LYRM7: variants seen among roughly 807,000 people sequenced by gnomAD.
LYRM7 encodes LYR motif containing 7.
In LYRM7, 9 loss-of-function variants were observed where a neutral mutation model predicts 15.8. The observed-to-expected ratio is 0.57, with a 90% CI of 0.34 to 0.99. The LOEUF is 0.99. Ranked by LOEUF, LYRM7 falls within the 50% of genes least tolerant of loss-of-function variation. LYRM7 has a pLI of 0.02. For synonymous variants in LYRM7, 39 were observed against 39.4 expected, an observed-to-expected ratio of 0.99 and a Z score of 0.04; for missense variants, 115 against 119.1, an observed-to-expected ratio of 0.97 and a Z score of 0.16.
chr5:131,179,994 A>T, intron 1 of LYRM7, 101 bp from the exon 2 acceptor site: 1 of 781,024 alleles, frequency 1.3e-6, no homozygotes, highest in East Asian at 2.7e-5. Context: ...AGGGTCTCGA[A>T]CTCCTGGGCT....
At chr5:131,174,424 A>G (rs919916921) in intron 1 of LYRM7, among the ~76,000 whole-genome samples, 7 of 152,178 alleles carry the variant, frequency 4.6e-5, no homozygotes, top group Admixed American at 1.3e-4. Flanking sequence ...TATTGTTGCT[A>G]TTTTGGCCTC....
At position 131,198,952 on chromosome 5, in the gene LYRM7, A is replaced by G. The variant is rs868815368; in HGVS notation, c.245-579A>G. Among the ~76,000 whole-genome samples, 23 of 152,180 alleles carry G rather than the reference A, an allele frequency of 1.5e-4. 1 individual carries two copies. The Middle Eastern group carries it at 0.027, about 180-fold the overall frequency. On this transcript the variant is annotated intron_variant, in intron 4 of 4. Coordinates refer to ENST00000379380, the MANE Select transcript of LYRM7 (RefSeq NM_181705.4). ...CTCAACAGGTTTTTGTTGTTGTTTT[A>G]TGATATTTCTCAATGTGGGCACTAT...
intron 4 of LYRM7, among the ~76,000 whole-genome samples, chr5:131,190,341 G>A (rs558712398): frequency 6.6e-5 from 10 of 151,878 alleles, no homozygotes; most frequent in South Asian, 4.2e-4. Flanking sequence ...TATTACAAGC[G>A]TGTACCGCCA....
intron 1 of LYRM7, among the ~76,000 whole-genome samples, chr5:131,176,137 T>G (rs1755599070): frequency 6.6e-6 from 1 of 152,260 alleles, no homozygotes; most frequent in Admixed American, 6.5e-5. Context: ...CATGAGTTCA[T>G]GGACATTTAG....
chr5:131,181,440 G>GTATATATATATAAAACATATATATGTA lies in LYRM7; in HGVS notation c.92-778_92-752dup, dbSNP rs1427292415. Among the ~76,000 whole-genome samples the GTATATATATATAAAACATATATATGTA allele has an allele frequency of 1.3e-3, 135 of 104,094 alleles. 4 individuals carry two copies. Among genetic ancestry groups the GTATATATATATAAAACATATATATGTA allele is most frequent in the African/African-American group, 7.0e-3 (131 of 18,774 alleles). 68.3% of individuals were successfully genotyped at this position (104,094 alleles called of 152,430 possible). A position where few individuals can be genotyped will look rare whatever the true frequency, so the allele number is the denominator to read the frequency against. On this transcript the variant is annotated intron_variant, in intron 2 of 4. Coordinates refer to ENST00000379380, the MANE Select transcript of LYRM7 (RefSeq NM_181705.4). ...GTTTATATATATATAACATATATAT[G>GTATATATATATAAAACATATATATGTA]TATATATATATAAAACATATATATG...
intron 2 of LYRM7, among the ~76,000 whole-genome samples, chr5:131,181,464 T>A (rs942797041): frequency 2.5e-4 from 33 of 131,890 alleles, no homozygotes; most frequent in African/African-American, 8.4e-4. Context: ...AACATATATA[T>A]GTATATATAT....
At chr5:131,194,719 T>G (rs1188104278) in intron 4 of LYRM7, among the ~76,000 whole-genome samples, 1 of 152,164 alleles carries the variant, frequency 6.6e-6, no homozygotes, top group Admixed American at 6.6e-5. Flanking sequence ...TCCATGAGGG[T>G]AAAAATGGCA....
At chr5:131,181,985 A>G (rs1027014081) in intron 2 of LYRM7, among the ~76,000 whole-genome samples, 1 of 152,192 alleles carries the variant, frequency 6.6e-6, no homozygotes, top group Non-Finnish European at 1.5e-5. Flanking sequence ...GAGAGTAAAA[A>G]TCAGTGGAAG....
Position 131,182,474 on chromosome 5 carries a change from G to A in LYRM7, c.162+175G>A, listed in dbSNP as rs114517433. Among the ~76,000 whole-genome samples the A allele has an allele frequency of 1.2e-3, 186 of 152,136 alleles. 1 individual carries two copies. The highest frequency in any genetic ancestry group is 2.2e-3 in the Admixed American group (34 of 15,280). Reference sequence around the variant, plus strand: ...GCTCACCTCCTCAGGCTCATCTGCCGACACCAAAATACAGCAAGGTACCCC... The same window carrying A: ...GCTCACCTCCTCAGGCTCATCTGCCAACACCAAAATACAGCAAGGTACCCC... On this transcript the variant is annotated intron_variant, in intron 3 of 4. Coordinates refer to ENST00000379380, the MANE Select transcript of LYRM7 (RefSeq NM_181705.4).
chr5:131,175,930 T>C (rs1005897720), intron 1 of LYRM7, among the ~76,000 whole-genome samples: 3 of 152,040 alleles, frequency 2.0e-5, no homozygotes, highest in African/African-American at 7.2e-5. Flanking sequence ...GCTAATTTTT[T>C]GTATTTTTTA....
rs2149667740 is a variant in LYRM7, at chr5:131,201,414, ATAAAGTTCCT to A, written c.*1814_*1823del. ...TACTTTCATGCCATAAGACTACACA[ATAAAGTTCCT>A]GAAAGTTCCTGGCTGGGCGCAGTGG... On this transcript the variant is annotated 3_prime_UTR_variant, in exon 5 of 5. Transcript: ENST00000379380. 6.6e-6 allele frequency: 1 copy of A among 152,116 alleles called. No homozygotes were observed. Among genetic ancestry groups the A allele is most frequent in the East Asian group, 1.9e-4 (1 of 5,156 alleles). 9.4% of individuals were successfully genotyped at this position (152,116 alleles called of 1,614,324 possible).
intron 3 of LYRM7, among the ~76,000 whole-genome samples, chr5:131,183,257 A>G (rs1017125324): frequency 6.6e-6 from 1 of 152,172 alleles, no homozygotes; most frequent in African/African-American, 2.4e-5. Flanking sequence ...AAAATAAACA[A>G]AAAGGGAAAG....
At chr5:131,184,336 A>G (rs1387163165) in intron 3 of LYRM7, among the ~76,000 whole-genome samples, 1 of 151,988 alleles carries the variant, frequency 6.6e-6, no homozygotes, top group African/African-American at 2.4e-5. Context: ...GTAGTTGGAA[A>G]AGAGTAAAAC....
intron 4 of LYRM7, among the ~76,000 whole-genome samples, chr5:131,189,239 C>T (rs1035859600): frequency 1.3e-5 from 2 of 151,360 alleles, no homozygotes. Flanking sequence ...GTCAGGAGAT[C>T]GAGACCATCC....
At chr5:131,178,026 G>T (rs182284222) in intron 1 of LYRM7, among the ~76,000 whole-genome samples, 3 of 152,190 alleles carry the variant, frequency 2.0e-5, no homozygotes, top group African/African-American at 7.2e-5. Flanking sequence ...ATTTACTGTA[G>T]CTTTTCATTG....
At chr5:131,187,928 G>A (rs1755823361) in intron 4 of LYRM7, among the ~76,000 whole-genome samples, 1 of 152,080 alleles carries the variant, frequency 6.6e-6, no homozygotes, top group African/African-American at 2.4e-5. Flanking sequence ...ATTCTCTAAA[G>A]TATCTTTGGG....
At position 131,170,974 on chromosome 5, in the gene LYRM7, G is replaced by C; in HGVS notation, c.-47G>C. ...AGTCTTTGATTGGTTGCTGAGAGGC[G>C]GGGCTACTCGACTGCTCTGGAGGTA... On this transcript the variant is annotated 5_prime_UTR_variant, in exon 1 of 5. Coordinates refer to ENST00000379380, the MANE Select transcript of LYRM7 (RefSeq NM_181705.4). 1 of 1,531,868 alleles carries C rather than the reference G, an allele frequency of 6.5e-7. No individual in the cohort carries two copies. Among genetic ancestry groups the C allele is most frequent in the Non-Finnish European group, 8.7e-7 (1 of 1,143,832 alleles). 94.9% of individuals were successfully genotyped at this position (1,531,868 alleles called of 1,614,324 possible).
intron 4 of LYRM7, among the ~76,000 whole-genome samples, chr5:131,192,514 T>A (rs1755903188): frequency 6.6e-6 from 1 of 152,226 alleles, no homozygotes; most frequent in Admixed American, 6.5e-5. Context: ...TGCATTGAAC[T>A]ATCACTGTAC....
intron 1 of LYRM7, among the ~76,000 whole-genome samples, chr5:131,178,019 T>C (rs1480120169): frequency 6.6e-6 from 1 of 152,226 alleles, no homozygotes; most frequent in Non-Finnish European, 1.5e-5. Context: ...TTTTTAAATT[T>C]ACTGTAGCTT....
Sources: allele counts gnomAD v4.1 joint callset (sites outside exome capture counted in the v4.1 genomes callset), GRCh38; gene constraint gnomAD v4.1.1; transcripts MANE v1.5; gene names NCBI Gene and HGNC (gene_info 2026-07-23, HGNC 2026-07-21).